The following SULT1E1 variants were observed in gnomAD, a reference collection of about 807,000 sequenced individuals.
SULT1E1 encodes the protein sulfotransferase family 1E member 1, also known as sulfotransferase 1E1.
In SULT1E1, 36 loss-of-function variants were observed where a neutral mutation model predicts 33.6. That is an observed-to-expected ratio of 1.07 (90% confidence interval 0.82 to 1.41). SULT1E1 has a LOEUF of 1.41. Ranked by LOEUF, SULT1E1 falls within the 40% of genes most tolerant of loss-of-function variation. The pLI, the probability that SULT1E1 is intolerant of heterozygous loss-of-function variation, is 0.00. For missense variants in SULT1E1, 371 were observed against 345.7 expected (o/e 1.07, Z -0.58); for synonymous variants, 121 against 111.7 (o/e 1.08, Z -0.53).
intron 1 of SULT1E1, among the ~76,000 whole-genome samples, chr4:69,858,321 T>C (rs1366710726): frequency 3.3e-5 from 5 of 152,114 alleles, no homozygotes; most frequent in African/African-American, 1.2e-4. Flanking sequence ...ATTGAATGAC[T>C]TGGCTAAAAA....
the SULT1E1 span, among the ~76,000 whole-genome samples, chr4:69,835,744 T>C: frequency 6.6e-6 from 1 of 152,220 alleles, no homozygotes; most frequent in Non-Finnish European, 1.5e-5. Context: ...CAAATACGTA[T>C]CCTTGGGCAA....
chr4:69,858,298 A>G (rs1315413946), intron 1 of SULT1E1, among the ~76,000 whole-genome samples: 1 of 152,170 alleles, frequency 6.6e-6, no homozygotes, highest in African/African-American at 2.4e-5. Context: ...TCAATAAGGT[A>G]GTGGATACTC....
chr4:69,847,142 G>C (rs1296859074), intron 6 of SULT1E1, among the ~76,000 whole-genome samples: 1 of 151,498 alleles, frequency 6.6e-6, no homozygotes, highest in East Asian at 1.9e-4. Context: ...ATGTAGCCAT[G>C]TCTAATCTAT....
At chr4:69,824,932 C>T in the SULT1E1 span, among the ~76,000 whole-genome samples, 4 of 152,190 alleles carry the variant, frequency 2.6e-5, no homozygotes, top group African/African-American at 9.7e-5. Flanking sequence ...CACAATAAAT[C>T]TTGCTGCTGC....
rs1253443841 is a variant in SULT1E1, at chr4:69,857,634, T to C, written c.11A>G (p.Glu4Gly). Residue 4 changes from glutamate (E) to glycine (G), a missense_variant, in exon 2 of 8, where the codon GAA (glutamate) becomes GGA (glycine). Transcript: ENST00000226444. MNS[E>G]LDYYEKFEEV... ...TTCAAACTTTTCATAATAGTCAAGTTCAGAATTCATTGTGGTACACTGAAA... is the reference window on the plus strand; with the variant it reads ...TTCAAACTTTTCATAATAGTCAAGTCCAGAATTCATTGTGGTACACTGAAA... 2 of 1,600,374 alleles carry C rather than the reference T, an allele frequency of 1.2e-6. No individual in the cohort carries two copies. Among genetic ancestry groups the C allele is most frequent in the Admixed American group, 3.5e-5 (2 of 56,486 alleles).
At chr4:69,858,671 A>G (rs1422580725) in intron 1 of SULT1E1, among the ~76,000 whole-genome samples, 3 of 152,260 alleles carry the variant, frequency 2.0e-5, no homozygotes, top group East Asian at 3.9e-4. Flanking sequence ...CTTCCTCTAC[A>G]TCATATCAGA....
intron 2 of SULT1E1, among the ~76,000 whole-genome samples, chr4:69,856,617 TAAA>T (rs960706803): frequency 5.9e-5 from 9 of 151,930 alleles, no homozygotes; most frequent in Admixed American, 5.9e-4. Context: ...GGGAAGAAAA[TAAA>T]GAAGCAGATT....
chr4:69,844,566 A>C (rs1720938121), intron 6 of SULT1E1, among the ~76,000 whole-genome samples: 1 of 152,142 alleles, frequency 6.6e-6, no homozygotes, highest in Non-Finnish European at 1.5e-5. Context: ...AAAAAACTAA[A>C]TGAGATGTTT....
chr4:69,838,988 C>A (rs972884658), downstream of SULT1E1, among the ~76,000 whole-genome samples: 1 of 152,142 alleles, frequency 6.6e-6, no homozygotes, highest in African/African-American at 2.4e-5. Flanking sequence ...TATATCAACA[C>A]GGATGCTTGT....
chr4:69,857,771 G>A (rs1354053119), intron 1 of SULT1E1, 118 bp from the exon 2 acceptor site: 2 of 860,750 alleles, frequency 2.3e-6, no homozygotes, highest in Non-Finnish European at 3.3e-6. Context: ...TTGCACATAT[G>A]GGGCAAAAAC....
chr4:69,852,365 T>G lies in SULT1E1; in HGVS notation c.369+1852A>C, dbSNP rs11573768. Among the ~76,000 whole-genome samples, 620 of 152,294 alleles carry G rather than the reference T, an allele frequency of 4.1e-3. 3 individuals carry two copies. The highest frequency in any genetic ancestry group is 6.9e-3 in the Non-Finnish European group (467 of 68,012). On this transcript the variant is annotated intron_variant, in intron 4 of 7. Coordinates refer to ENST00000226444, the MANE Select transcript of SULT1E1 (RefSeq NM_005420.3). ...TCATTGATCATTACTTCTATGTTAC[T>G]TCAGACTTTTGTAACCACTTTTGTA...
intron 1 of SULT1E1, among the ~76,000 whole-genome samples, chr4:69,858,998 A>T (rs2109668944): frequency 6.6e-6 from 1 of 152,230 alleles, no homozygotes; most frequent in South Asian, 2.1e-4. Flanking sequence ...AGTAGGTGGC[A>T]TGTAATAAAA....
At chr4:69,829,921 G>C in the SULT1E1 span, among the ~76,000 whole-genome samples, 26 of 152,232 alleles carry the variant, frequency 1.7e-4, no homozygotes, top group South Asian at 4.8e-3. Context: ...ATGGAGCCTG[G>C]TCTGTCCTAG....
chr4:69,828,188 C>G, the SULT1E1 span, among the ~76,000 whole-genome samples: 1 of 152,196 alleles, frequency 6.6e-6, no homozygotes, highest in Non-Finnish European at 1.5e-5. Context: ...CCTTGATGAC[C>G]GTCCTCAATA....
chr4:69,843,128 G>A (rs955442776), intron 7 of SULT1E1, among the ~76,000 whole-genome samples: 10 of 151,990 alleles, frequency 6.6e-5, no homozygotes, highest in Non-Finnish European at 2.9e-5. Flanking sequence ...GAGCCACCGC[G>A]CCCAGCCCAC....
At chr4:69,830,776 A>G in the SULT1E1 span, among the ~76,000 whole-genome samples, 112 of 152,304 alleles carry the variant, frequency 7.4e-4, no homozygotes, top group African/African-American at 2.6e-3. Context: ...CAATCTGGCC[A>G]GGTTGGATTG....
At chr4:69,842,505 G>C (rs1186012012) in intron 7 of SULT1E1, among the ~76,000 whole-genome samples, 2 of 152,116 alleles carry the variant, frequency 1.3e-5, no homozygotes, top group Non-Finnish European at 2.9e-5. Context: ...TTTGCCACCT[G>C]AAAAATGTCC....
the SULT1E1 span, among the ~76,000 whole-genome samples, chr4:69,831,931 T>C: frequency 3.2e-4 from 48 of 152,298 alleles, no homozygotes; most frequent in African/African-American, 9.6e-4. Flanking sequence ...TCACGCAGTT[T>C]CACACACTTC....
chr4:69,855,421 T>C lies in SULT1E1; in HGVS notation c.151A>G (p.Thr51Ala), dbSNP rs761632873. ...VIATYPKSGT[T>A]WVSEIVYMIY... Reference sequence around the variant, plus strand: ...ATATACACAATTTCACTAACCCAGGTTGTACCTGTAAAAATTAAATAAACC... The same window carrying C: ...ATATACACAATTTCACTAACCCAGGCTGTACCTGTAAAAATTAAATAAACC... Residue 51 changes from threonine to alanine, a missense_variant, in exon 3 of 8, where the codon ACC (threonine) becomes GCC (alanine). By Grantham distance (58) the Thr-to-Ala change is moderately conservative. Coordinates refer to ENST00000226444, the MANE Select transcript of SULT1E1 (RefSeq NM_005420.3). The C allele has an allele frequency of 1.9e-6, 3 of 1,607,774 alleles. No individual in the cohort carries two copies. Among genetic ancestry groups the C allele is most frequent in the Non-Finnish European group, 1.7e-6 (2 of 1,177,164 alleles).
Sources: gnomAD v4.1 joint callset for allele counts (sites outside exome capture counted in the v4.1 genomes callset) on GRCh38, gnomAD v4.1.1 for gene constraint, MANE v1.5 for transcripts, NCBI Gene and HGNC (gene_info 2026-07-23, HGNC 2026-07-21) for gene names.